Variants in TMIE observed in about 807,000 individuals in gnomAD.
TMIE encodes the protein transmembrane inner ear.
TMIE carries 14 observed loss-of-function variants against 16.8 expected under a neutral mutation model. That is an observed-to-expected ratio of 0.83 (90% CI 0.55 to 1.30). The LOEUF (loss-of-function observed/expected upper bound fraction) is 1.30, where lower values mean the gene tolerates loss of function less well. Among genes scored for constraint, TMIE ranks in the 50% most tolerant of loss-of-function variants. The pLI is 0.00. For synonymous variants in TMIE, 75 were observed against 87.2 expected (o/e 0.86, Z 0.78); for missense variants, 204 against 205.9 (o/e 0.99, Z 0.06).
intron 1 of TMIE, among the ~76,000 whole-genome samples, chr3:46,705,183 G>C (rs1322388272): frequency 1.3e-5 from 2 of 152,196 alleles, no homozygotes; most frequent in African/African-American, 2.4e-5. Context: ...CTGCCTTTTG[G>C]CCTCCAGGTG....
In TMIE at chr3:46,701,514, C is replaced by T. The variant is rs1181788752; in HGVS notation, c.27C>T (p.Pro9=). The change falls in exon 1 of 4, where the codon CCC becomes CCT. Residue 9 remains proline (P), a synonymous_variant. Transcript: ENST00000643606. The surrounding 1 kb of genome is among the most constrained non-coding windows in gnomAD (Gnocchi z 4.3). Reference sequence around the variant, plus strand: ...TGGCGGGGTGGCCGGGCGCGGGTCCCCTCTGCGTGCTGGGCGGCGCCGCAC... The same window carrying T: ...TGGCGGGGTGGCCGGGCGCGGGTCCTCTCTGCGTGCTGGGCGGCGCCGCAC... MAGWPGAG[P]LCVLGGAALG... is the part of the protein sequence containing the mutation. 1.8e-5 allele frequency: 24 copies of T among 1,333,890 alleles called. No homozygotes were observed. Among genetic ancestry groups the T allele is most frequent in the Non-Finnish European group, 2.3e-5 (24 of 1,046,720 alleles). 82.6% of individuals were successfully genotyped at this position (1,333,890 alleles called of 1,614,324 possible).
Position 46,705,843 on chromosome 3 carries a change from G to A in TMIE, c.147G>A (p.Val49=). ...CGCCTCCGCTGACCAAGGAGACAGT[G>A]GTGTTCTGGGACATGCGCCTGTGGC... The part of the protein sequence containing the change: ...PKPPPLTKET[V]VFWDMRLWHV... Residue 49 remains valine (V), a synonymous_variant, in exon 2 of 4, where the codon GTG becomes GTA. Transcript: ENST00000643606. The A allele has an allele frequency of 6.2e-7, 1 of 1,614,134 alleles. No homozygotes were observed. Among genetic ancestry groups the A allele is most frequent in the South Asian group, 1.1e-5 (1 of 91,080 alleles).
chr3:46,705,864 G>T lies in TMIE; in HGVS notation c.168G>T (p.Leu56=). 2 of 1,614,150 alleles carry T rather than the reference G, an allele frequency of 1.2e-6. No homozygotes were observed. The highest frequency in any genetic ancestry group is 1.7e-6 in the Non-Finnish European group (2 of 1,180,040). The change falls in exon 2 of 4, where the codon CTG becomes CTT. Residue 56 remains leucine, a synonymous_variant. Transcript: ENST00000643606. ...KETVVFWDMR[L]WHVVGIFSLF... ...CAGTGGTGTTCTGGGACATGCGCCT[G>T]TGGCACGTGGTGGGCATCTTTTCGC...
chr3:46,703,747 C>T (rs1700507039), intron 1 of TMIE, among the ~76,000 whole-genome samples: 1 of 152,132 alleles, frequency 6.6e-6, no homozygotes. Flanking sequence ...AGTTCTGCAA[C>T]CCACGCTGAA....
chr3:46,699,542 T>A (rs1376434645), upstream of TMIE, among the ~76,000 whole-genome samples: 1 of 152,058 alleles, frequency 6.6e-6, no homozygotes, highest in African/African-American at 2.4e-5. Flanking sequence ...AGTACTTGAG[T>A]TGGTTAAAAA....
Position 46,701,968 on chromosome 3 carries a change from A to T in TMIE, c.93+388A>T, listed in dbSNP as rs1700483180. The stretch of plus-strand genomic sequence containing the variant: ...AGGTGCACAGCCCTGGGTTTCCTGG[A>T]CCTCTAGTCTGATGGAACAGACCCT... On this transcript the variant is annotated intron_variant, in intron 1 of 3. Coordinates refer to ENST00000643606, the MANE Select transcript of TMIE (RefSeq NM_147196.3). The surrounding 1 kb of genome is among the most constrained non-coding windows in gnomAD (Gnocchi z 4.3). Among the ~76,000 whole-genome samples, 1 of 151,798 alleles carries T rather than the reference A, an allele frequency of 6.6e-6. No individual in the cohort carries two copies. The highest frequency in any genetic ancestry group is 1.5e-5 in the Non-Finnish European group (1 of 67,948).
At chr3:46,699,072 T>G (rs973130904), upstream of TMIE, among the ~76,000 whole-genome samples, 1 of 142,568 alleles carries the variant, frequency 7.0e-6, no homozygotes, top group African/African-American at 2.6e-5. Flanking sequence ...TTTTTTTTTT[T>G]TTTTTTTTTT....
chr3:46,702,726 G>A (rs1463832399), intron 1 of TMIE, among the ~76,000 whole-genome samples: 2 of 152,108 alleles, frequency 1.3e-5, no homozygotes, highest in Non-Finnish European at 2.9e-5. Context: ...GAACTGGAGG[G>A]TTTGATGGGG....
intron 3 of TMIE, 27 bp from the exon 4 acceptor site, chr3:46,709,552 A>T: frequency 6.2e-7 from 1 of 1,613,014 alleles, no homozygotes; most frequent in Non-Finnish European, 8.5e-7. Context: ...CACCACTATC[A>T]CATGGTCTCT....
At chr3:46,708,749 C>T (rs917238509) in intron 2 of TMIE, among the ~76,000 whole-genome samples, 8 of 152,164 alleles carry the variant, frequency 5.3e-5, no homozygotes, top group South Asian at 2.1e-4. Context: ...GTTGCACACC[C>T]GGAGGCCTGG....
chr3:46,710,152 G>T lies in TMIE; in HGVS notation c.*464G>T. 1 of 250,132 alleles carries T rather than the reference G, an allele frequency of 4.0e-6. No individual in the cohort carries two copies. The highest frequency in any genetic ancestry group is 7.9e-6 in the Non-Finnish European group (1 of 126,280). 15.5% of individuals were successfully genotyped at this position (250,132 alleles called of 1,614,324 possible). A position where few individuals can be genotyped will look rare whatever the true frequency, so the allele number is the denominator to read the frequency against. On this transcript the variant is annotated 3_prime_UTR_variant, in exon 4 of 4. Transcript: ENST00000643606. ...TGAGGAGGCAGAGAGGGTCACTGGG[G>T]GACACTGTGGCAGCAGGAGGGACTC... is the stretch of plus-strand genomic sequence containing the variant.
At position 46,701,701 on chromosome 3, in the gene TMIE, C is replaced by A; in HGVS notation, c.93+121C>A. The A allele has an allele frequency of 1.2e-6, 1 of 836,682 alleles. No homozygotes were observed. The highest frequency in any genetic ancestry group is 1.6e-6 in the Non-Finnish European group (1 of 624,720). The allele number at this position is 836,682 out of a possible 1,614,324, so 51.8% of individuals were successfully genotyped here. On this transcript the variant is annotated intron_variant, in intron 1 of 3. Transcript: ENST00000643606. This position sits in a 1 kb window ranked among gnomAD's most constrained non-coding sequence, Gnocchi z 4.3. ...TCCCTTACTCTTGCCCTGAGAGATC[C>A]AGTCTCCCGGGCGATGCAGCCCTGC...
At position 46,709,126 on chromosome 3, in the gene TMIE, T is replaced by G. The variant is rs1700588893; in HGVS notation, c.212T>G (p.Ile71Ser). 8.1e-6 allele frequency: 13 copies of G among 1,613,904 alleles called. No homozygotes were observed. In the East Asian group the frequency reaches 2.9e-4, roughly 36 times the overall value. ...GIFSLFVLSIIITLCCVFNCR... is the reference protein window; with the variant it reads ...GIFSLFVLSISITLCCVFNCR... ...CAAGCCTGCTCTGTCCTCCCTACAGTCATCACGCTGTGCTGTGTCTTCAAC... is the reference window on the plus strand; with the variant it reads ...CAAGCCTGCTCTGTCCTCCCTACAGGCATCACGCTGTGCTGTGTCTTCAAC... The change falls in exon 3 of 4, where the codon ATC (isoleucine) becomes AGC (serine). Residue 71 changes from isoleucine to serine, a missense_variant and splice_region_variant. Coordinates refer to ENST00000643606, the MANE Select transcript of TMIE (RefSeq NM_147196.3).
intron 1 of TMIE, among the ~76,000 whole-genome samples, chr3:46,702,090 C>T (rs908776297): frequency 1.3e-5 from 2 of 152,052 alleles, no homozygotes; most frequent in Non-Finnish European, 2.9e-5. Context: ...AAGATGGAGA[C>T]GAGGGCATTC....
upstream of TMIE, among the ~76,000 whole-genome samples, chr3:46,697,243 G>C (rs574210789): frequency 6.6e-6 from 1 of 152,318 alleles, no homozygotes; most frequent in East Asian, 1.9e-4. Flanking sequence ...CAGGCCCCAG[G>C]AAACGGAATC....
upstream of TMIE, among the ~76,000 whole-genome samples, chr3:46,699,060 ATTTTTTTT>A (rs397951323): frequency 2.7e-4 from 23 of 84,870 alleles, no homozygotes; most frequent in Middle Eastern, 9.3e-3. Flanking sequence ...GGTGTTTCTT[ATTTTTTTT>A]TTTTTTTTTT....
chr3:46,701,273 T>A, upstream of TMIE: 14 of 380,108 alleles, frequency 3.7e-5, no homozygotes, highest in East Asian at 9.6e-5. The surrounding 1 kb of genome is among the most constrained non-coding windows in gnomAD (Gnocchi z 4.3). Context: ...AGGGGGAGCC[T>A]GCGGCCCGAT....
chr3:46,693,816 A>G (rs368872668), upstream of TMIE: 4 of 151,098 alleles, frequency 2.6e-5, no homozygotes, highest in East Asian at 3.9e-4. Flanking sequence ...CGGGCCACCG[A>G]GGAGCTGGCG....
rs1042885898 is a variant in TMIE, at chr3:46,705,357, T to G, written c.94-433T>G. ...GAACTATGTGGCCCAGACTCCTAGCTCCACACCCCACCCTCACTGGGGAGA... is the reference window on the plus strand; with the variant it reads ...GAACTATGTGGCCCAGACTCCTAGCGCCACACCCCACCCTCACTGGGGAGA... On this transcript the variant is annotated intron_variant, in intron 1 of 3. Coordinates refer to ENST00000643606, the MANE Select transcript of TMIE (RefSeq NM_147196.3). Among the ~76,000 whole-genome samples, 3 of 152,058 alleles carry G rather than the reference T, an allele frequency of 2.0e-5. No homozygotes were observed. The East Asian group carries it at 5.8e-4, about 29-fold the overall frequency.
Sources: gnomAD v4.1 joint callset for allele counts (sites outside exome capture counted in the v4.1 genomes callset) on GRCh38, gnomAD v4.1.1 for gene constraint, Gnocchi (gnomAD v3.1) non-coding constraint, MANE v1.5 for transcripts, NCBI Gene and HGNC (gene_info 2026-07-23, HGNC 2026-07-21) for gene names.